SPIN1: variants seen among roughly 807,000 people sequenced by gnomAD.
SPIN1 encodes the protein spindlin 1.
Under a neutral mutation model 26.0 loss-of-function variants are expected in SPIN1, and 3 were observed. That is an observed-to-expected ratio of 0.12 (90% CI 0.05 to 0.30). SPIN1 has a LOEUF of 0.30. Among genes scored for constraint, SPIN1 ranks in the 10% least tolerant of loss-of-function variants. SPIN1 has a pLI of 1.00. For synonymous variants in SPIN1, 101 were observed against 116.5 expected, an observed-to-expected ratio of 0.87 and a Z score of 0.86; for missense variants, 126 against 333.4, an observed-to-expected ratio of 0.38 and a Z score of 4.84.
intron 1 of SPIN1, among the ~76,000 whole-genome samples, chr9:88,412,620 A>G (rs1587781861): frequency 1.3e-5 from 2 of 152,276 alleles, no homozygotes; most frequent in East Asian, 3.9e-4. Flanking sequence ...ACAGAAACCA[A>G]TTATATTTAA....
chr9:88,429,740 T>G (rs567946936), intron 2 of SPIN1, among the ~76,000 whole-genome samples: 4 of 152,248 alleles, frequency 2.6e-5, no homozygotes, highest in South Asian at 2.1e-4. Context: ...CAGTGGCCAT[T>G]GATGATCAGC....
chr9:88,417,648 T>G lies in SPIN1; in HGVS notation c.-158-8734T>G, dbSNP rs1827594573. Among the ~76,000 whole-genome samples, 4 of 152,070 alleles carry G rather than the reference T, an allele frequency of 2.6e-5. No individual in the cohort carries two copies. The South Asian group carries it at 8.3e-4, about 32-fold the overall frequency. ...CCACCATGCCCAGCTAATTTTTGTA[T>G]TTTTAGTAGAGATGAGGTTTCACCA... On this transcript the variant is annotated intron_variant, in intron 1 of 5. Coordinates refer to ENST00000375859, the MANE Select transcript of SPIN1 (RefSeq NM_006717.3).
chr9:88,404,930 CAA>C (rs950744099), intron 1 of SPIN1, among the ~76,000 whole-genome samples: 1 of 124,826 alleles, frequency 8.0e-6, no homozygotes, highest in South Asian at 2.7e-4. Flanking sequence ...AAAAAAAAAA[CAA>C]AAAAAAAAAA....
At chr9:88,392,769 TC>T (rs1423463053) in intron 1 of SPIN1, among the ~76,000 whole-genome samples, 3 of 152,196 alleles carry the variant, frequency 2.0e-5, no homozygotes, top group Non-Finnish European at 4.4e-5. Flanking sequence ...GTAAAATGTT[TC>T]ATAGGCTCCT....
rs1302965148 is a variant in SPIN1 at position 88,406,003 on chromosome 9, GTC to G, written c.-159+17467_-159+17468del. ...GCATGCCACCGTGCCTGGCTTGTGT[GTC>G]TGTGTGTGTGTGTGTGTGTGTGTGT... On this transcript the variant is annotated intron_variant, in intron 1 of 5. Transcript: ENST00000375859. Among the ~76,000 whole-genome samples the G allele has an allele frequency of 6.0e-3, 499 of 83,218 alleles. 6 individuals are homozygous for G. The highest frequency in any genetic ancestry group is 0.042 in the African/African-American group (432 of 10,370). The allele number at this position is 83,218 out of a possible 152,430, so 54.6% of individuals were successfully genotyped here. A position where few individuals can be genotyped will look rare whatever the true frequency, so the allele number is the denominator to read the frequency against.
At chr9:88,448,047 CTTT>C (rs113183923) in intron 2 of SPIN1, among the ~76,000 whole-genome samples, 3 of 142,718 alleles carry the variant, frequency 2.1e-5, no homozygotes, top group African/African-American at 2.6e-5. Flanking sequence ...TTGTTTTGGT[CTTT>C]TTTTTTTTTT....
At chr9:88,468,130 A>G (rs1428787844) in intron 4 of SPIN1, among the ~76,000 whole-genome samples, 2 of 152,092 alleles carry the variant, frequency 1.3e-5, no homozygotes, top group South Asian at 4.1e-4. Flanking sequence ...AAAAAATCAT[A>G]TTTTTTTCAA....
chr9:88,417,069 A>G lies in SPIN1; in HGVS notation c.-158-9313A>G, dbSNP rs149771455. 4.7e-4 allele frequency among the ~76,000 whole-genome samples: 71 copies of G among 152,358 alleles called. 1 individual carries two copies. The East Asian group carries it at 0.011, about 24-fold the overall frequency. On this transcript the variant is annotated intron_variant, in intron 1 of 5. Coordinates refer to ENST00000375859, the MANE Select transcript of SPIN1 (RefSeq NM_006717.3). ...ATTTGAAAGTTGCATTAAATTGCAG[A>G]CATCATGACACTTGTTAAAGTAAGG...
At chr9:88,446,852 A>G (rs574136179) in intron 2 of SPIN1, among the ~76,000 whole-genome samples, 92 of 152,258 alleles carry the variant, frequency 6.0e-4, no homozygotes, top group African/African-American at 2.0e-3. Context: ...AAAAAAACTT[A>G]TTTGTATCAA....
At chr9:88,402,510 CT>C (rs201771271) in intron 1 of SPIN1, among the ~76,000 whole-genome samples, 2,392 of 139,560 alleles carry the variant, frequency 0.017, 54 homozygotes, top group African/African-American at 0.05. Flanking sequence ...ATGAGGTCAA[CT>C]TTTTTTTTTT....
intron 4 of SPIN1, among the ~76,000 whole-genome samples, chr9:88,466,442 C>T (rs950254291): frequency 6.6e-6 from 1 of 152,072 alleles, no homozygotes; most frequent in South Asian, 2.1e-4. Context: ...AGATGTGAGT[C>T]GCTGTGCCCA....
chr9:88,441,398 C>CGCGCGTGT (rs757363030), intron 2 of SPIN1, among the ~76,000 whole-genome samples: 1 of 137,730 alleles, frequency 7.3e-6, no homozygotes, highest in African/African-American at 3.2e-5. Context: ...TGCTGCCATT[C>CGCGCGTGT]GTGTGTGTGT....
intron 3 of SPIN1, among the ~76,000 whole-genome samples, chr9:88,460,822 C>G (rs1169380241): frequency 6.6e-6 from 1 of 152,146 alleles, no homozygotes; most frequent in Non-Finnish European, 1.5e-5. Context: ...ACAGACACAC[C>G]CACGAACAGT....
At chr9:88,448,501 A>G (rs1211549971) in intron 2 of SPIN1, among the ~76,000 whole-genome samples, 7 of 151,052 alleles carry the variant, frequency 4.6e-5, no homozygotes, top group Admixed American at 4.6e-4. Flanking sequence ...ACAGGTGCAT[A>G]CCACTACACT....
Position 88,450,198 on chromosome 9 carries a change from G to A in SPIN1, c.101+1209G>A, listed in dbSNP as rs117738566. ...TCATTATCATGTCATTACTGTAAAT[G>A]GTAAGCTGTGTCTTGCCACAAATAA... On this transcript the variant is annotated intron_variant, in intron 3 of 5. Coordinates refer to ENST00000375859, the MANE Select transcript of SPIN1 (RefSeq NM_006717.3). Among the ~76,000 whole-genome samples, 13 of 152,102 alleles carry A rather than the reference G, an allele frequency of 8.5e-5. No homozygotes were observed. In the East Asian group the frequency reaches 2.5e-3, roughly 29 times the overall value.
intron 3 of SPIN1, among the ~76,000 whole-genome samples, chr9:88,452,697 T>C (rs987357266): frequency 3.9e-5 from 6 of 152,230 alleles, no homozygotes; most frequent in African/African-American, 9.6e-5. Context: ...TCTTGTTTTA[T>C]TGTTGACATT....
intron 2 of SPIN1, among the ~76,000 whole-genome samples, chr9:88,431,224 A>G (rs1827863418): frequency 6.6e-6 from 1 of 150,532 alleles, no homozygotes; most frequent in Non-Finnish European, 1.5e-5. Context: ...TGGTACAAGG[A>G]ATGTTAGTCA....
chr9:88,415,989 C>T (rs921873940), intron 1 of SPIN1, among the ~76,000 whole-genome samples: 2 of 151,374 alleles, frequency 1.3e-5, no homozygotes, highest in Non-Finnish European at 2.9e-5. Context: ...ATCTCCTGAC[C>T]TCGTGATCTG....
chr9:88,389,273 C>G (rs1007904315), intron 1 of SPIN1: 2 of 152,228 alleles, frequency 1.3e-5, no homozygotes, highest in Admixed American at 1.3e-4. Flanking sequence ...CTTTTCCTCT[C>G]CATCGTGAGT....
Sources: allele counts gnomAD v4.1 joint callset (sites outside exome capture counted in the v4.1 genomes callset), GRCh38; gene constraint gnomAD v4.1.1; transcripts MANE v1.5; gene names NCBI Gene and HGNC (gene_info 2026-07-23, HGNC 2026-07-21).